The following ALKBH8 variants were observed in gnomAD, a reference collection of about 807,000 sequenced individuals.
ALKBH8 encodes tRNA (carboxymethyluridine(34)-5-O)-methyltransferase ALKBH8.
ALKBH8 carries 36 observed loss-of-function variants against 59.8 expected under a neutral mutation model. The ratio of observed to expected loss-of-function variants is 0.60; its 90% CI spans 0.46 to 0.79. The LOEUF is 0.79. ALKBH8 is among the 30% of genes least tolerant of loss of function. ALKBH8 has a pLI of 0.00. For synonymous variants in ALKBH8, 276 were observed against 273.6 expected (o/e 1.01, Z -0.09); for missense variants, 768 against 801.0 (o/e 0.96, Z 0.50).
intron 8 of ALKBH8, among the ~76,000 whole-genome samples, chr11:107,527,303 T>C (rs1438828453): frequency 1.3e-5 from 2 of 152,114 alleles, no homozygotes; most frequent in Admixed American, 6.5e-5. Context: ...GTGGGCTTCA[T>C]ATTCGCAGGG....
intron 11 of ALKBH8, among the ~76,000 whole-genome samples, chr11:107,509,454 C>T (rs539255268): frequency 6.6e-6 from 1 of 152,170 alleles, no homozygotes; most frequent in East Asian, 1.9e-4. Context: ...TGTGGGCTAC[C>T]TTTTCACTCT....
chr11:107,558,409 G>A (rs1478883457), intron 2 of ALKBH8, among the ~76,000 whole-genome samples: 2 of 152,172 alleles, frequency 1.3e-5, no homozygotes, highest in African/African-American at 2.4e-5. Context: ...CTCACTTAAT[G>A]AGGTTTATTA....
At chr11:107,522,149 A>AATT (rs1863138249) in intron 10 of ALKBH8, 150 bp downstream of exon 10, 1 of 1,037,444 alleles carries the variant, frequency 9.6e-7, no homozygotes, top group African/African-American at 1.6e-5. Flanking sequence ...TAGAGGAATA[A>AATT]GAAAGAATAA....
rs1196112526 is a variant in ALKBH8 at position 107,503,322 on chromosome 11, C to T, written c.*1336G>A. On this transcript the variant is annotated 3_prime_UTR_variant, in exon 12 of 12. Transcript: ENST00000428149. ...AAATAATCATCCTCTCATCTGAGACCCATTATTGATCACTATAGGTTTCTG... is the reference window on the plus strand; with the variant it reads ...AAATAATCATCCTCTCATCTGAGACTCATTATTGATCACTATAGGTTTCTG... 2 of 152,040 alleles carry T rather than the reference C, an allele frequency of 1.3e-5. No homozygotes were observed. The highest frequency in any genetic ancestry group is 4.8e-5 in the African/African-American group (2 of 41,386). The allele number at this position is 152,040 out of a possible 1,614,324, so 9.4% of individuals were successfully genotyped here. A position where few individuals can be genotyped will look rare whatever the true frequency, so the allele number is the denominator to read the frequency against.
In ALKBH8 at chr11:107,560,621, C is replaced by T. The variant is rs930487526; in HGVS notation, c.129+144G>A. 4.9e-5 allele frequency: 34 copies of T among 686,930 alleles called. No individual in the cohort carries two copies. The Admixed American group carries it at 1.2e-3, about 24-fold the overall frequency. 42.6% of individuals were successfully genotyped at this position (686,930 alleles called of 1,614,324 possible). On this transcript the variant is annotated intron_variant, in intron 2 of 11. Transcript: ENST00000428149. The stretch of plus-strand genomic sequence containing the variant: ...GCTATGGACCAAAATAGAAAGTTAG[C>T]AGTTCATATCATATGTACCTCTAAT...
intron 10 of ALKBH8, among the ~76,000 whole-genome samples, chr11:107,516,090 C>G (rs1386310891): frequency 6.6e-6 from 1 of 152,186 alleles, no homozygotes; most frequent in Non-Finnish European, 1.5e-5. Flanking sequence ...AGCCACATAA[C>G]ACACTTGGAG....
At chr11:107,529,508 ACTT>A (rs1591280726) in intron 8 of ALKBH8, among the ~76,000 whole-genome samples, 2 of 150,336 alleles carry the variant, frequency 1.3e-5, no homozygotes, top group African/African-American at 2.5e-5. Flanking sequence ...TCCATCTCCT[ACTT>A]CTTTTTTTTT....
At chr11:107,515,563 C>T (rs1862827966) in intron 10 of ALKBH8, among the ~76,000 whole-genome samples, 1 of 152,114 alleles carries the variant, frequency 6.6e-6, no homozygotes, top group South Asian at 2.1e-4. Context: ...CACCATGCTG[C>T]CCAGGCTGGT....
rs1865107745 is a variant in ALKBH8 at position 107,565,687 on chromosome 11, G to T, written c.-93C>A. On this transcript the variant is annotated 5_prime_UTR_variant, in exon 1 of 12. Transcript: ENST00000428149. ...CACTCTAGCACCAGAACACCGCAGC[G>T]GATACTTGCACGCCATCTCCCCTGG... The T allele has an allele frequency of 2.0e-6, 3 of 1,534,856 alleles. No individual in the cohort carries two copies. The Admixed American group carries it at 5.9e-5, about 30-fold the overall frequency.
intron 7 of ALKBH8, among the ~76,000 whole-genome samples, chr11:107,539,713 AAAC>A (rs959767131): frequency 6.6e-6 from 1 of 152,190 alleles, no homozygotes; most frequent in Non-Finnish European, 1.5e-5. Flanking sequence ...CAAAAACAGA[AAAC>A]AACCCCCACA....
chr11:107,507,846 T>A (rs976131788), intron 11 of ALKBH8, among the ~76,000 whole-genome samples: 3 of 152,126 alleles, frequency 2.0e-5, no homozygotes, highest in Admixed American at 6.5e-5. Context: ...TTCCCTTACC[T>A]AGTTGTGTCC....
chr11:107,504,934 A>T lies in ALKBH8; in HGVS notation c.1719T>A (p.Val573=). ...CATGAACAGGCAGCTTGGAATTAGA[A>T]ACTTGCCTTGAATTACATCCTCCTT... ...SQEGGCNSRQ[V]SNSKLPVHVN... is the part of the protein sequence containing the mutation. Residue 573 remains valine, a synonymous_variant, in exon 12 of 12, where the codon GTT becomes GTA. Transcript: ENST00000428149. 6.4e-7 allele frequency: 1 copy of T among 1,551,942 alleles called. No homozygotes were observed. Among genetic ancestry groups the T allele is most frequent in the Non-Finnish European group, 8.7e-7 (1 of 1,147,006 alleles).
intron 3 of ALKBH8, among the ~76,000 whole-genome samples, chr11:107,556,129 T>C (rs1414381069): frequency 6.6e-6 from 1 of 151,990 alleles, no homozygotes; most frequent in African/African-American, 2.4e-5. Flanking sequence ...AATACAAAAA[T>C]TAGCCAGGCA....
chr11:107,524,256 G>T (rs987210096), intron 9 of ALKBH8, among the ~76,000 whole-genome samples: 7 of 151,800 alleles, frequency 4.6e-5, no homozygotes, highest in Non-Finnish European at 7.4e-5. Flanking sequence ...CAGACAGGGG[G>T]TCTTCCTATG....
At chr11:107,510,027 G>A (rs144580585) in intron 11 of ALKBH8, among the ~76,000 whole-genome samples, 2 of 152,274 alleles carry the variant, frequency 1.3e-5, no homozygotes, top group East Asian at 1.9e-4. Context: ...TTGCAGTCAT[G>A]CCTCTGAAAG....
intron 11 of ALKBH8, among the ~76,000 whole-genome samples, chr11:107,507,928 A>C (rs1862458438): frequency 6.6e-6 from 1 of 152,166 alleles, no homozygotes; most frequent in Non-Finnish European, 1.5e-5. Flanking sequence ...GTGCCATAAA[A>C]ATGATCTCTA....
Position 107,565,723 on chromosome 11 carries a change from G to A in ALKBH8, c.-129C>T. 2 of 1,516,014 alleles carry A rather than the reference G, an allele frequency of 1.3e-6. No homozygotes were observed. Among genetic ancestry groups the A allele is most frequent in the South Asian group, 1.2e-5 (1 of 83,674 alleles). 93.9% of individuals were successfully genotyped at this position (1,516,014 alleles called of 1,614,324 possible). ...CGCCATCTCCCCTGGGCGCGGCCAT[G>A]TTGGAGAAAACTGCACTACATTTCC... On this transcript the variant is annotated 5_prime_UTR_variant, in exon 1 of 12. Transcript: ENST00000428149.
At chr11:107,541,702 C>A (rs1296007756) in intron 7 of ALKBH8, among the ~76,000 whole-genome samples, 1 of 152,118 alleles carries the variant, frequency 6.6e-6, no homozygotes, top group African/African-American at 2.4e-5. Context: ...AAGCCAGCCT[C>A]CATATCAGAC....
At chr11:107,548,813 T>G (rs1053960923) in intron 7 of ALKBH8, among the ~76,000 whole-genome samples, 2 of 152,092 alleles carry the variant, frequency 1.3e-5, no homozygotes, top group African/African-American at 2.4e-5. Context: ...GATGACCTGA[T>G]GTTTTAAGGA....
Sources: gnomAD v4.1 joint callset for allele counts (sites outside exome capture counted in the v4.1 genomes callset) on GRCh38, gnomAD v4.1.1 for gene constraint, MANE v1.5 for transcripts, NCBI Gene and HGNC (gene_info 2026-07-23, HGNC 2026-07-21) for gene names.